The following ADGB variants were observed in gnomAD, a reference collection of about 807,000 sequenced individuals.
ADGB encodes androglobin, also known as calpain-7-like protein.
ADGB carries 172 observed loss-of-function variants against 210.5 expected under a neutral mutation model. The ratio of observed to expected loss-of-function variants is 0.82; its 90% CI spans 0.72 to 0.93. ADGB has a LOEUF of 0.93. Ranked by LOEUF, ADGB falls within the 40% of genes least tolerant of loss-of-function variation. The pLI, the probability that ADGB is intolerant of heterozygous loss-of-function variation, is 0.00. For synonymous variants in ADGB, 658 were observed against 662.7 expected, an observed-to-expected ratio of 0.99 and a Z score of 0.11; for missense variants, 2,025 against 1,964.8, an observed-to-expected ratio of 1.03 and a Z score of -0.58.
chr6:146,784,124 T>C (rs1444526461), intron 30 of ADGB, among the ~76,000 whole-genome samples: 2 of 152,198 alleles, frequency 1.3e-5, no homozygotes, highest in East Asian at 1.9e-4. Context: ...ATATAAATTA[T>C]AGATAATTCC....
At position 146,656,786 on chromosome 6, in the gene ADGB, A is replaced by T. The variant is rs1439332107; in HGVS notation, c.418A>T (p.Ile140Phe). The change falls in exon 5 of 36, where the codon ATC (isoleucine) becomes TTC (phenylalanine). Residue 140 changes from isoleucine (I) to phenylalanine (F), a missense_variant. By Grantham distance (21) the Ile-to-Phe change is conservative (BLOSUM62 0). Coordinates refer to ENST00000397944, the MANE Select transcript of ADGB (RefSeq NM_024694.4). The part of the protein sequence containing the change: ...LLCSELMRWI[I>F]SEIYAVWKIF... ...TTATCTCTAGCTGATGAGATGGATTATCAGTGAAATCTATGCAGTGTGGAA... is the reference window on the plus strand; with the variant it reads ...TTATCTCTAGCTGATGAGATGGATTTTCAGTGAAATCTATGCAGTGTGGAA... 5.2e-6 allele frequency: 8 copies of T among 1,536,952 alleles called. No individual in the cohort carries two copies. The highest frequency in any genetic ancestry group is 7.0e-6 in the Non-Finnish European group (8 of 1,140,016).
chr6:146,630,367 G>C (rs1035166463), intron 1 of ADGB, among the ~76,000 whole-genome samples: 5 of 152,108 alleles, frequency 3.3e-5, no homozygotes, highest in African/African-American at 1.2e-4. Flanking sequence ...AGGCCAGCCT[G>C]ACAAAATAGT....
Position 146,684,273 on chromosome 6 carries a change from A to T in ADGB, c.1217-1461A>T, listed in dbSNP as rs574333720. On this transcript the variant is annotated intron_variant, in intron 9 of 35. Transcript: ENST00000397944. Reference sequence around the variant, plus strand: ...GAGCAGAAAGTTCTGAAGATAGATTAAAAAAACTGATTTTTAAAATTTTAT... The same window carrying T: ...GAGCAGAAAGTTCTGAAGATAGATTTAAAAAACTGATTTTTAAAATTTTAT... 3.6e-4 allele frequency among the ~76,000 whole-genome samples: 55 copies of T among 152,266 alleles called. No homozygotes were observed. The South Asian group carries it at 4.3e-3, about 12-fold the overall frequency.
intron 23 of ADGB, 64 bp from the exon 24 acceptor site, chr6:146,740,395 T>G: frequency 7.4e-7 from 1 of 1,353,476 alleles, no homozygotes; most frequent in Non-Finnish European, 9.9e-7. Context: ...TTTCTTTTTG[T>G]AAATAGAGTT....
rs1777028465 is a variant in ADGB at position 146,733,227 on chromosome 6, C to T, written c.2628C>T (p.Leu876=). Residue 876 remains leucine, a synonymous_variant, in exon 21 of 36, where the codon CTC becomes CTT. Transcript: ENST00000397944. The stretch of plus-strand genomic sequence containing the variant: ...CTATGGTTTTGGACTTGGAGTTACT[C>T]AATTCCTCCTTGGAAGAGGTTTCTT... ...FRAMVLDLEL[L]NSSLEEVSLV... is the part of the protein sequence containing the mutation. The T allele has an allele frequency of 6.5e-7, 1 of 1,537,958 alleles. No individual in the cohort carries two copies. Among genetic ancestry groups the T allele is most frequent in the South Asian group, 1.2e-5 (1 of 81,198 alleles).
chr6:146,719,019 T>C (rs554489861), intron 16 of ADGB, among the ~76,000 whole-genome samples: 1 of 152,334 alleles, frequency 6.6e-6, no homozygotes, highest in South Asian at 2.1e-4. Context: ...TTTAAGCATA[T>C]TTCCATATTT....
intron 12 of ADGB, among the ~76,000 whole-genome samples, chr6:146,695,539 T>G (rs1162044511): frequency 6.6e-6 from 1 of 151,962 alleles, no homozygotes; most frequent in East Asian, 1.9e-4. Context: ...ATTCAGTATT[T>G]AAAATTATGT....
At chr6:146,752,446 G>C in intron 26 of ADGB, 84 bp from the exon 27 acceptor site, 1 of 1,248,556 alleles carries the variant, frequency 8.0e-7, no homozygotes, top group Non-Finnish European at 1.1e-6. Flanking sequence ...TTTGGGCAGG[G>C]ACATATATCC....
chr6:146,807,446 A>T (rs202183015), intron 35 of ADGB: 19 of 1,551,120 alleles, frequency 1.2e-5, no homozygotes, highest in East Asian at 7.3e-5. Flanking sequence ...ACATCCGGGA[A>T]GAGTACAGAA....
At chr6:146,657,006 A>G in intron 5 of ADGB, 26 bp downstream of exon 5, 1 of 1,506,438 alleles carries the variant, frequency 6.6e-7, no homozygotes, top group Non-Finnish European at 9.0e-7. Context: ...TGTGCATAAA[A>G]ACTCATGAGT....
chr6:146,602,507 T>A (rs1409315834), intron 1 of ADGB, among the ~76,000 whole-genome samples: 1 of 152,216 alleles, frequency 6.6e-6, no homozygotes, highest in Non-Finnish European at 1.5e-5. Context: ...AGATTATAAC[T>A]CATTGCCAGT....
At chr6:146,752,200 G>A (rs1239709218) in intron 26 of ADGB, among the ~76,000 whole-genome samples, 2 of 152,004 alleles carry the variant, frequency 1.3e-5, no homozygotes, top group Admixed American at 1.3e-4. Flanking sequence ...TTCCAATCAT[G>A]GCAGAAGAGG....
At chr6:146,707,265 C>A (rs1261467269) in intron 13 of ADGB, among the ~76,000 whole-genome samples, 2 of 152,072 alleles carry the variant, frequency 1.3e-5, no homozygotes, top group African/African-American at 2.4e-5. Context: ...ATATGAATAT[C>A]CTGGAGAATG....
intron 9 of ADGB, among the ~76,000 whole-genome samples, chr6:146,681,979 G>T (rs1776163911): frequency 1.3e-5 from 2 of 152,086 alleles, no homozygotes; most frequent in South Asian, 2.1e-4. Context: ...GTTAAAAATA[G>T]AATTTATTTC....
At chr6:146,702,483 G>A (rs181749205) in intron 13 of ADGB, among the ~76,000 whole-genome samples, 51 of 151,918 alleles carry the variant, frequency 3.4e-4, no homozygotes, top group African/African-American at 1.1e-3. Flanking sequence ...TAAAACAAAT[G>A]TAAAGAAATC....
intron 35 of ADGB, among the ~76,000 whole-genome samples, chr6:146,809,069 C>T (rs917327195): frequency 1.3e-4 from 19 of 151,500 alleles, no homozygotes; most frequent in Admixed American, 2.6e-4. Flanking sequence ...ACAGCTGTGA[C>T]GGTTTAGCAT....
At chr6:146,741,887 T>C (rs1002916538) in intron 25 of ADGB, among the ~76,000 whole-genome samples, 3 of 152,238 alleles carry the variant, frequency 2.0e-5, no homozygotes, top group Admixed American at 2.0e-4. Context: ...AATGATAATG[T>C]ATACCTAGCT....
At chr6:146,803,438 C>A (rs1278171467) in intron 35 of ADGB, 21 of 1,605,830 alleles carry the variant, frequency 1.3e-5, no homozygotes, top group Non-Finnish European at 1.7e-5. Context: ...CCCCACCTTC[C>A]AGGGGGCTGT....
chr6:146,688,843 G>A (rs1160255588), intron 10 of ADGB, among the ~76,000 whole-genome samples: 1 of 152,076 alleles, frequency 6.6e-6, no homozygotes, highest in Non-Finnish European at 1.5e-5. Flanking sequence ...TTGTTAAATG[G>A]AGTACATTGC....
Sources: gnomAD v4.1 joint callset for allele counts (sites outside exome capture counted in the v4.1 genomes callset) on GRCh38, gnomAD v4.1.1 for gene constraint, MANE v1.5 for transcripts, NCBI Gene and HGNC (gene_info 2026-07-23, HGNC 2026-07-21) for gene names.